PCDHGA8: variants seen among roughly 807,000 people sequenced by gnomAD.
PCDHGA8 encodes the protein protocadherin gamma-A8.
In PCDHGA8, 45 loss-of-function variants were observed where a neutral mutation model predicts 59.2. The observed-to-expected ratio is 0.76, with a 90% CI of 0.60 to 0.98. PCDHGA8 has a LOEUF of 0.98. Ranked by LOEUF, PCDHGA8 falls within the 50% of genes least tolerant of loss-of-function variation. PCDHGA8 has a pLI of 0.00. For missense variants in PCDHGA8, 1,257 were observed against 1,196.2 expected (o/e 1.05, Z -0.75); for synonymous variants, 531 against 519.0 (o/e 1.02, Z -0.32).
intron 1 of PCDHGA8, among the ~76,000 whole-genome samples, chr5:141,460,124 A>AAT (rs2098982741): frequency 6.6e-6 from 1 of 152,052 alleles, no homozygotes; most frequent in African/African-American, 2.4e-5. Context: ...TTATATATGT[A>AAT]ATATATATAT....
chr5:141,399,546 G>T, intron 1 of PCDHGA8: 1 of 1,614,032 alleles, frequency 6.2e-7, no homozygotes. Flanking sequence ...TCTGCGCCTC[G>T]GACCTGGACT....
intron 1 of PCDHGA8, among the ~76,000 whole-genome samples, chr5:141,397,615 C>A (rs2093545668): frequency 6.6e-6 from 1 of 152,144 alleles, no homozygotes; most frequent in Admixed American, 6.5e-5. Context: ...AAGGGCAATA[C>A]TTAGTTCTAG....
At chr5:141,403,588 C>T in intron 1 of PCDHGA8, 1 of 1,613,904 alleles carries the variant, frequency 6.2e-7, no homozygotes, top group South Asian at 1.1e-5. Flanking sequence ...ACCTGGTCCT[C>T]ACGGCCTCGG....
chr5:141,489,732 C>CA lies in PCDHGA8; in HGVS notation c.2425-5073dup, dbSNP rs770971020. On this transcript the variant is annotated intron_variant, in intron 1 of 3. Transcript: ENST00000398604. This position sits in a 1 kb window ranked among gnomAD's most constrained non-coding sequence, Gnocchi z 4.5. ...GTGCCCAGGATCCGGATGTGGGCAC[C>CA]AATACTGTGAGCTTTTACACTCTAA... 4.3e-6 allele frequency: 7 copies of CA among 1,614,008 alleles called. No individual in the cohort carries two copies. Among genetic ancestry groups the CA allele is most frequent in the Non-Finnish European group, 5.9e-6 (7 of 1,180,002 alleles).
At chr5:141,455,159 G>GT (rs1390145608) in intron 1 of PCDHGA8, among the ~76,000 whole-genome samples, 2,419 of 144,948 alleles carry the variant, frequency 0.017, 50 homozygotes, top group African/African-American at 0.056. Context: ...TTAGTTTGTT[G>GT]GTTTTTTTTT....
intron 1 of PCDHGA8, among the ~76,000 whole-genome samples, chr5:141,443,764 C>A (rs1351060316): frequency 6.6e-6 from 1 of 151,708 alleles, no homozygotes; most frequent in Non-Finnish European, 1.5e-5. Flanking sequence ...TTACAATATA[C>A]AATATTACCA....
chr5:141,509,497 G>A (rs1167178592), intron 3 of PCDHGA8, among the ~76,000 whole-genome samples: 1 of 152,196 alleles, frequency 6.6e-6, no homozygotes, highest in Non-Finnish European at 1.5e-5. Flanking sequence ...TGGCATGCTG[G>A]ATGTGACGGT....
At chr5:141,509,631 C>A (rs1250891268) in intron 3 of PCDHGA8, among the ~76,000 whole-genome samples, 1 of 152,200 alleles carries the variant, frequency 6.6e-6, no homozygotes, top group East Asian at 1.9e-4. Flanking sequence ...CTGGGTGATG[C>A]TGAGCCAGGG....
intron 1 of PCDHGA8, among the ~76,000 whole-genome samples, chr5:141,445,544 T>C (rs1223868698): frequency 6.6e-6 from 1 of 152,126 alleles, no homozygotes; most frequent in Non-Finnish European, 1.5e-5. Context: ...CAAGGAGAAA[T>C]ACAAAAGCAC....
At chr5:141,475,500 T>C (rs1393586791) in intron 1 of PCDHGA8, among the ~76,000 whole-genome samples, 1 of 152,248 alleles carries the variant, frequency 6.6e-6, no homozygotes, top group East Asian at 1.9e-4. Flanking sequence ...ACTGAAATTA[T>C]TAATGTCTCC....
At chr5:141,428,004 G>A in intron 1 of PCDHGA8, 1 of 1,601,732 alleles carries the variant, frequency 6.2e-7, no homozygotes, top group Non-Finnish European at 8.5e-7. Flanking sequence ...CGCACTCTTC[G>A]ATATAGTGCC....
rs1396618267 is a variant in PCDHGA8, at chr5:141,421,234, A to T, written c.2424+25997A>T. On this transcript the variant is annotated intron_variant, in intron 1 of 3. Coordinates refer to ENST00000398604, the MANE Select transcript of PCDHGA8 (RefSeq NM_032088.2). ...TATCGGCTTAGAGCCTGCCATGGCG[A>T]ATCGGCTACAGCGCGGGGACCGCAG... 7 of 1,593,656 alleles carry T rather than the reference A, an allele frequency of 4.4e-6. No homozygotes were observed. In the African/African-American group the frequency reaches 9.4e-5, roughly 21 times the overall value.
chr5:141,409,143 G>C (rs778597273), intron 1 of PCDHGA8: 2 of 1,613,986 alleles, frequency 1.2e-6, no homozygotes, highest in Admixed American at 3.3e-5. Context: ...GATGTAGAAA[G>C]GTACACCATG....
At chr5:141,451,526 G>T (rs896029145) in intron 1 of PCDHGA8, among the ~76,000 whole-genome samples, 1 of 152,168 alleles carries the variant, frequency 6.6e-6, no homozygotes, top group African/African-American at 2.4e-5. Flanking sequence ...GCAAGTAAAG[G>T]AGAGTGCCAG....
intron 1 of PCDHGA8, chr5:141,442,111 C>A: frequency 6.0e-6 from 1 of 166,354 alleles, no homozygotes; most frequent in Non-Finnish European, 1.3e-5. Context: ...CACTACCGCC[C>A]CTCGTCGCCG....
rs188373658 is a variant in PCDHGA8 at position 141,492,228 on chromosome 5, C to T, written c.2425-2579C>T. ...TGCGCGCGGGGCTCATGCGTGTCCT[C>T]CCTGCTGGCCACCCCCACGGCCCAC... On this transcript the variant is annotated intron_variant, in intron 1 of 3. Coordinates refer to ENST00000398604, the MANE Select transcript of PCDHGA8 (RefSeq NM_032088.2). Among the ~76,000 whole-genome samples the T allele has an allele frequency of 5.3e-5, 8 of 152,292 alleles. No individual in the cohort carries two copies. In the East Asian group the frequency reaches 1.2e-3, roughly 22 times the overall value.
rs191354649 is a variant in PCDHGA8 at position 141,510,446 on chromosome 5, C to T, written c.2573-501C>T. 8.9e-4 allele frequency among the ~76,000 whole-genome samples: 135 copies of T among 152,154 alleles called. 1 individual carries two copies. Among genetic ancestry groups the T allele is most frequent in the Non-Finnish European group, 1.7e-3 (114 of 68,010 alleles). On this transcript the variant is annotated intron_variant, in intron 3 of 3. Coordinates refer to ENST00000398604, the MANE Select transcript of PCDHGA8 (RefSeq NM_032088.2). ...TTTCATGGCTGCTGCCCTCCAGGAG[C>T]CCATGGTCTAGTGTGGGAGTCAGAG...
intron 1 of PCDHGA8, chr5:141,408,803 G>T: frequency 6.2e-7 from 1 of 1,613,150 alleles, no homozygotes; most frequent in South Asian, 1.1e-5. Flanking sequence ...GAAACTCCTA[G>T]ACCGGGAAGA....
At chr5:141,408,882 ACATAGAAATTTCTGTCAAG>A (rs745313321) in intron 1 of PCDHGA8, 50 of 1,613,286 alleles carry the variant, frequency 3.1e-5, no homozygotes, top group Non-Finnish European at 4.1e-5. Context: ...GCCACCGCTC[ACATAGAAATTTCTGTCAAG>A]GATACCAATG....
Sources: gnomAD v4.1 joint callset for allele counts (sites outside exome capture counted in the v4.1 genomes callset) on GRCh38, gnomAD v4.1.1 for gene constraint, Gnocchi (gnomAD v3.1) non-coding constraint, MANE v1.5 for transcripts, NCBI Gene and HGNC (gene_info 2026-07-23, HGNC 2026-07-21) for gene names.